The following STK31 variants were observed in gnomAD, a reference collection of about 807,000 sequenced individuals.
STK31 encodes the protein serine/threonine kinase 31.
STK31 carries 89 observed loss-of-function variants against 129.7 expected under a neutral mutation model. The observed-to-expected ratio is 0.69, with a 90% confidence interval of 0.58 to 0.82. STK31 has a LOEUF of 0.82. Among genes scored for constraint, STK31 ranks in the 40% least tolerant of loss-of-function variants. STK31 has a pLI of 0.00. For synonymous variants in STK31, 448 were observed against 395.3 expected (o/e 1.13, Z -1.58); for missense variants, 1,187 against 1,176.4 (o/e 1.01, Z -0.13).
At chr7:23,792,296 AT>A in intron 22 of STK31, among the ~76,000 whole-genome samples, 1 of 152,278 alleles carries the variant, frequency 6.6e-6, no homozygotes, top group South Asian at 2.1e-4. Flanking sequence ...AGCAGTTTTA[AT>A]TTCAATATAA....
intron 11 of STK31, among the ~76,000 whole-genome samples, chr7:23,764,240 A>C (rs1789670074): frequency 1.3e-5 from 2 of 152,174 alleles, no homozygotes; most frequent in African/African-American, 4.8e-5. Context: ...TTGTCCCTTA[A>C]AGGTTTATTT....
intron 3 of STK31, among the ~76,000 whole-genome samples, chr7:23,716,831 G>A (rs9691851): frequency 0.15 from 19,550 of 134,314 alleles, 1,522 homozygotes; most frequent in Middle Eastern, 0.24. Context: ...CAGGGTCTCC[G>A]TCACCAAGGC....
At chr7:23,780,270 C>T (rs1790836036) in intron 15 of STK31, among the ~76,000 whole-genome samples, 1 of 152,096 alleles carries the variant, frequency 6.6e-6, no homozygotes, top group Admixed American at 6.5e-5. Flanking sequence ...CAGACCGGAG[C>T]TGTTACTATT....
intron 22 of STK31, among the ~76,000 whole-genome samples, chr7:23,804,315 A>T (rs1230003115): frequency 6.6e-6 from 1 of 151,958 alleles, no homozygotes; most frequent in African/African-American, 2.4e-5. Flanking sequence ...ACACTTATTT[A>T]TCTTTATTAT....
In STK31 at chr7:23,815,113, G is replaced by A. The variant is rs370055734; in HGVS notation, c.2761-31G>A. 76 of 1,529,776 alleles carry A rather than the reference G, an allele frequency of 5.0e-5. No homozygotes were observed. In the African/African-American group the frequency reaches 8.3e-4, roughly 17 times the overall value. The allele number at this position is 1,529,776 out of a possible 1,614,324, so 94.8% of individuals were successfully genotyped here. A position where few individuals can be genotyped will look rare whatever the true frequency, so the allele number is the denominator to read the frequency against. On this transcript the variant is annotated intron_variant, in intron 22 of 23. Transcript: ENST00000355870. The stretch of plus-strand genomic sequence containing the variant: ...TATAGATTGGCGTATTAATACATTG[G>A]ACATTTATTCATTCTTACTTTCTTT...
intron 23 of STK31, among the ~76,000 whole-genome samples, chr7:23,824,549 G>A (rs1283522127): frequency 6.6e-6 from 1 of 152,144 alleles, no homozygotes; most frequent in African/African-American, 2.4e-5. Flanking sequence ...TGCAAACAGG[G>A]ACAATTGGAC....
chr7:23,757,819 C>G (rs532738007), intron 10 of STK31, among the ~76,000 whole-genome samples: 1 of 152,342 alleles, frequency 6.6e-6, no homozygotes, highest in South Asian at 2.1e-4. Context: ...GTATTTCAGA[C>G]TGTCACATGG....
rs56355518 is a variant in STK31, at chr7:23,728,072, C to CTTTTTTT, written c.324+779_324+785dup. Among the ~76,000 whole-genome samples the CTTTTTTT allele has an allele frequency of 2.9e-4, 20 of 68,264 alleles. 1 individual carries two copies. Among genetic ancestry groups the CTTTTTTT allele is most frequent in the East Asian group, 3.7e-4 (1 of 2,708 alleles). The allele number at this position is 68,264 out of a possible 152,430, so 44.8% of individuals were successfully genotyped here. On this transcript the variant is annotated intron_variant, in intron 5 of 23. Coordinates refer to ENST00000355870, the MANE Select transcript of STK31 (RefSeq NM_031414.5). ...TGTGGTGAGTTTTCTTTGTGTTAAG[C>CTTTTTTT]TTTTTTTTTTTTTTTTTTTTTTTTT...
chr7:23,771,023 A>G lies in STK31; in HGVS notation c.1732A>G (p.Lys578Glu), dbSNP rs1419951510. Residue 578 changes from lysine (K) to glutamate (E), a missense_variant, in exon 14 of 24, where the codon AAG becomes GAG. By Grantham distance (56) the Lys-to-Glu change is moderately conservative. Transcript: ENST00000355870. Reference protein sequence around the residue: ...IALVDQGDADKEIISNTYSQV... With the variant: ...IALVDQGDADEEIISNTYSQV... The stretch of plus-strand genomic sequence containing the variant: ...CATTTAGGATCAAGGTGATGCAGAC[A>G]AGGAGATAATTTCAAATACATATAG... The G allele has an allele frequency of 1.2e-6, 2 of 1,611,286 alleles. No homozygotes were observed. Among genetic ancestry groups the G allele is most frequent in the African/African-American group, 1.3e-5 (1 of 74,834 alleles).
At chr7:23,800,546 A>G (rs964125509) in intron 22 of STK31, among the ~76,000 whole-genome samples, 2 of 152,140 alleles carry the variant, frequency 1.3e-5, no homozygotes, top group African/African-American at 4.8e-5. Context: ...TAAGTTGAAC[A>G]ATGAGAACAT....
At position 23,710,363 on chromosome 7, in the gene STK31, AGT is replaced by A. The variant is rs747496789; in HGVS notation, c.50+30_50+31del. ...CAGTAGTAGTTTTTGTGGTACGTGC[AGT>A]GGTGGCCGCTTCAAGGACTATTTTC... On this transcript the variant is annotated intron_variant, in intron 1 of 23. Coordinates refer to ENST00000355870, the MANE Select transcript of STK31 (RefSeq NM_031414.5). The A allele has an allele frequency of 2.5e-6, 4 of 1,613,394 alleles. No individual in the cohort carries two copies. In the South Asian group the frequency reaches 4.4e-5, roughly 18 times the overall value.
chr7:23,797,195 A>G (rs1171840933), intron 22 of STK31, among the ~76,000 whole-genome samples: 6 of 149,162 alleles, frequency 4.0e-5, no homozygotes, highest in Admixed American at 1.3e-4. Context: ...CGTCAATATT[A>G]GACAGATCAA....
At chr7:23,798,800 C>A (rs1038294654) in intron 22 of STK31, among the ~76,000 whole-genome samples, 4 of 152,158 alleles carry the variant, frequency 2.6e-5, no homozygotes, top group Non-Finnish European at 5.9e-5. Flanking sequence ...GAGAGACAGT[C>A]AAAGTCTGTC....
intron 6 of STK31, among the ~76,000 whole-genome samples, chr7:23,731,135 C>T (rs1384346111): frequency 1.3e-5 from 2 of 151,840 alleles, no homozygotes; most frequent in African/African-American, 2.4e-5. Flanking sequence ...CCCCCTGTCT[C>T]TGCCTTCCAA....
intron 22 of STK31, among the ~76,000 whole-genome samples, chr7:23,807,557 GCTT>G (rs1792783992): frequency 6.6e-6 from 1 of 152,140 alleles, no homozygotes; most frequent in African/African-American, 2.4e-5. Flanking sequence ...GGTTTTCTCA[GCTT>G]CTTCAGCCTG....
chr7:23,825,577 G>T (rs1479388625), intron 23 of STK31, among the ~76,000 whole-genome samples: 8 of 152,080 alleles, frequency 5.3e-5, no homozygotes, highest in Non-Finnish European at 1.0e-4. Flanking sequence ...TTTTTGAAGG[G>T]TTTTTTGTGT....
intron 6 of STK31, among the ~76,000 whole-genome samples, chr7:23,731,174 C>T (rs1007354433): frequency 3.3e-5 from 5 of 151,544 alleles, no homozygotes; most frequent in South Asian, 2.1e-4. Flanking sequence ...ATGAGCCACC[C>T]GGCTAAACAT....
intron 11 of STK31, among the ~76,000 whole-genome samples, chr7:23,767,416 G>A (rs1383615828): frequency 6.6e-6 from 1 of 152,166 alleles, no homozygotes; most frequent in East Asian, 1.9e-4. Flanking sequence ...ATAGAATGGG[G>A]TTATTTTTAT....
At position 23,758,385 on chromosome 7, in the gene STK31, T is replaced by C. The variant is rs144694951; in HGVS notation, c.1293+3911T>C. Among the ~76,000 whole-genome samples, 1,289 of 152,286 alleles carry C rather than the reference T, an allele frequency of 8.5e-3. 20 individuals are homozygous for C. Among genetic ancestry groups the C allele is most frequent in the African/African-American group, 0.029 (1,217 of 41,552 alleles). On this transcript the variant is annotated intron_variant, in intron 10 of 23. Coordinates refer to ENST00000355870, the MANE Select transcript of STK31 (RefSeq NM_031414.5). ...CTTCTTCTTAGTCTAGCTAGTGGTC[T>C]GTTTTGTTACTTTTTTTAAAAAACA...
Sources: allele counts gnomAD v4.1 joint callset (sites outside exome capture counted in the v4.1 genomes callset), GRCh38; gene constraint gnomAD v4.1.1; transcripts MANE v1.5; gene names NCBI Gene and HGNC (gene_info 2026-07-23, HGNC 2026-07-21).